DHX29: variants seen among roughly 807,000 people sequenced by gnomAD.
DHX29 encodes the protein ATP-dependent RNA helicase DHX29.
In DHX29, 79 loss-of-function variants were observed where a neutral mutation model predicts 167.9. That is an observed-to-expected ratio of 0.47 (90% CI 0.39 to 0.57). DHX29 has a LOEUF of 0.57. Ranked by LOEUF, DHX29 falls within the 20% of genes least tolerant of loss-of-function variation. The pLI is 0.00. For missense variants in DHX29, 1,347 were observed against 1,593.4 expected (o/e 0.85, Z 2.63); for synonymous variants, 530 against 546.0 (o/e 0.97, Z 0.41).
At chr5:55,264,767 G>A (rs367953847) in intron 23 of DHX29, among the ~76,000 whole-genome samples, 31 of 152,270 alleles carry the variant, frequency 2.0e-4, no homozygotes, top group African/African-American at 7.5e-4. Context: ...TACTTGTGGA[G>A]ATGCTTAGGA....
intron 1 of DHX29, among the ~76,000 whole-genome samples, chr5:55,299,022 G>A (rs1473320242): frequency 2.3e-5 from 3 of 128,010 alleles, no homozygotes; most frequent in Non-Finnish European, 4.7e-5. Flanking sequence ...GGGCGACAGA[G>A]CGAGACTCCG....
At position 55,258,193 on chromosome 5, in the gene DHX29, C is replaced by T. The variant is rs149820660; in HGVS notation, c.4058-1653G>A. ...CAAATTTAAGTGCTTCCTGGTGTGACGCAGTGGGGAGAATACAGCACCAAC... is the reference window on the plus strand; with the variant it reads ...CAAATTTAAGTGCTTCCTGGTGTGATGCAGTGGGGAGAATACAGCACCAAC... On this transcript the variant is annotated intron_variant, in intron 26 of 26. Transcript: ENST00000251636. 3.5e-3 allele frequency among the ~76,000 whole-genome samples: 534 copies of T among 152,218 alleles called. 1 individual carries two copies. Among genetic ancestry groups the T allele is most frequent in the Middle Eastern group, 0.01 (3 of 294 alleles).
intron 23 of DHX29, among the ~76,000 whole-genome samples, chr5:55,264,822 T>C (rs1312727623): frequency 6.6e-6 from 1 of 152,208 alleles, no homozygotes; most frequent in African/African-American, 2.4e-5. Context: ...AACAAGCATT[T>C]ATCCTAATTT....
Position 55,262,880 on chromosome 5 carries a change from G to A in DHX29, c.3578C>T (p.Ser1193Phe), listed in dbSNP as rs769697214. Residue 1193 changes from serine (S) to phenylalanine (F), a missense_variant, in exon 24 of 27, where the codon TCC becomes TTC. Transcript: ENST00000251636. ...TCCTTCCCAGCTGGTAGAAGTTGTG[G>A]AAGATGAAAATCCTGCTGCCTTAAC... Reference protein sequence around the residue: ...KLVKAAGFSSSTTSTSWEGNR... With the variant: ...KLVKAAGFSSFTTSTSWEGNR... The A allele has an allele frequency of 4.8e-5, 77 of 1,613,876 alleles. No individual in the cohort carries two copies. In the Admixed American group the frequency reaches 9.2e-4, roughly 19 times the overall value.
At chr5:55,295,023 G>A (rs1039745450) in intron 5 of DHX29, 1 of 174,212 alleles carries the variant, frequency 5.7e-6, no homozygotes, top group African/African-American at 2.4e-5. Flanking sequence ...AGCTAGTCAT[G>A]TGGAAAAAAC....
At chr5:55,276,871 G>A (rs1475203083) in intron 13 of DHX29, among the ~76,000 whole-genome samples, 1 of 152,100 alleles carries the variant, frequency 6.6e-6, no homozygotes. Context: ...GTGAAAATAG[G>A]TTTATGTTCT....
intron 23 of DHX29, among the ~76,000 whole-genome samples, chr5:55,266,897 G>A (rs1051112720): frequency 9.9e-5 from 15 of 152,160 alleles, no homozygotes; most frequent in East Asian, 1.9e-4. Flanking sequence ...TTACAGGAAT[G>A]AGCCAGTCTT....
intron 26 of DHX29, among the ~76,000 whole-genome samples, chr5:55,259,284 A>T (rs527989287): frequency 6.6e-6 from 1 of 152,328 alleles, no homozygotes; most frequent in Admixed American, 6.5e-5. Flanking sequence ...TAAAAGAGAC[A>T]GGAGTAAACT....
At chr5:55,274,459 T>C (rs372466028) in intron 16 of DHX29, among the ~76,000 whole-genome samples, 155 bp downstream of exon 16, 5 of 152,168 alleles carry the variant, frequency 3.3e-5, no homozygotes, top group African/African-American at 1.2e-4. Flanking sequence ...GATAACATGT[T>C]ATAATGGAAG....
chr5:55,298,813 G>T (rs1248997670), intron 1 of DHX29, 149 bp from the exon 2 acceptor site: 1 of 390,346 alleles, frequency 2.6e-6, no homozygotes. Flanking sequence ...GGTGGATCAT[G>T]AGGTCAGGAG....
Position 55,289,336 on chromosome 5 carries a change from C to T in DHX29, c.1000G>A (p.Glu334Lys). The T allele has an allele frequency of 6.2e-7, 1 of 1,600,540 alleles. No homozygotes were observed. Among genetic ancestry groups the T allele is most frequent in the Non-Finnish European group, 8.5e-7 (1 of 1,175,598 alleles). ...NERKKPPVAT[E>K]GESALNFNLF... ...TTAAAATTCAATGCACTTTCTCCTT[C>T]TGTGGCTACAGGAGGCTTTTTCCTT... is the stretch of plus-strand genomic sequence containing the variant. The change falls in exon 8 of 27, where the codon GAA becomes AAA. Residue 334 changes from glutamate to lysine, a missense_variant. Glu to Lys is a moderately conservative substitution (Grantham distance 56). Coordinates refer to ENST00000251636, the MANE Select transcript of DHX29 (RefSeq NM_019030.4).
chr5:55,288,403 G>A, intron 8 of DHX29, among the ~76,000 whole-genome samples: 1 of 150,542 alleles, frequency 6.6e-6, no homozygotes. Context: ...TTAGTAAATA[G>A]TATACTATTA....
At position 55,270,702 on chromosome 5, in the gene DHX29, G is replaced by A. The variant is rs750785224; in HGVS notation, c.2869C>T (p.His957Tyr). Residue 957 changes from histidine to tyrosine, a missense_variant, in exon 19 of 27, where the codon CAT (histidine) becomes TAT (tyrosine). Physicochemically the swap from His to Tyr is moderately conservative, Grantham distance 83. Around this residue, in one of 3 missense-constraint regions of DHX29, gnomAD observed 882 missense variants for 1,082.4 expected, o/e 0.81. Transcript: ENST00000251636. ...DTGRTKENKY[H>Y]ESSQMSSLVE... Reference sequence around the variant, plus strand: ...AAAGAACTCATCTGACTGCTTTCATGGTACCTAAAGAAATGTTTTAGGAGA... The same window carrying A: ...AAAGAACTCATCTGACTGCTTTCATAGTACCTAAAGAAATGTTTTAGGAGA... 10 of 1,610,106 alleles carry A rather than the reference G, an allele frequency of 6.2e-6. No homozygotes were observed. Among genetic ancestry groups the A allele is most frequent in the Admixed American group, 5.0e-5 (3 of 59,850 alleles).
At chr5:55,268,443 G>C (rs1415058575) in intron 21 of DHX29, among the ~76,000 whole-genome samples, 1 of 152,062 alleles carries the variant, frequency 6.6e-6, no homozygotes, top group Non-Finnish European at 1.5e-5. Context: ...GGGTTTTTTA[G>C]AGACAGAGTC....
chr5:55,268,122 G>GA (rs925140730), intron 21 of DHX29, among the ~76,000 whole-genome samples: 1 of 151,908 alleles, frequency 6.6e-6, no homozygotes, highest in African/African-American at 2.4e-5. Context: ...CACAATCAGA[G>GA]AAAAAAATCT....
chr5:55,277,311 C>A, intron 12 of DHX29, 29 bp from the exon 13 acceptor site: 2 of 1,478,206 alleles, frequency 1.4e-6, no homozygotes, highest in South Asian at 1.2e-5. Context: ...TAAAAAAGTT[C>A]ATCATATATT....
intron 18 of DHX29, among the ~76,000 whole-genome samples, chr5:55,271,568 G>A (rs1435932736): frequency 6.6e-6 from 1 of 152,234 alleles, no homozygotes; most frequent in Non-Finnish European, 1.5e-5. Flanking sequence ...GGGAGGTGGA[G>A]GCTGCAGTGA....
rs180835624 is a variant in DHX29 at position 55,294,449 on chromosome 5, C to T, written c.652-304G>A. Among the ~76,000 whole-genome samples the T allele has an allele frequency of 1.6e-3, 251 of 152,254 alleles. 1 individual carries two copies. The highest frequency in any genetic ancestry group is 5.7e-3 in the African/African-American group (237 of 41,562). On this transcript the variant is annotated intron_variant, in intron 5 of 26. Coordinates refer to ENST00000251636, the MANE Select transcript of DHX29 (RefSeq NM_019030.4). Reference sequence around the variant, plus strand: ...CAGCACTTCGGGAGGCCAAAGCGGGCGGATCACAAGGTCAGGAGATAGAGA... The same window carrying T: ...CAGCACTTCGGGAGGCCAAAGCGGGTGGATCACAAGGTCAGGAGATAGAGA...
At chr5:55,287,233 G>A (rs1239265446) in intron 8 of DHX29, among the ~76,000 whole-genome samples, 1 of 152,186 alleles carries the variant, frequency 6.6e-6, no homozygotes, top group African/African-American at 2.4e-5. Flanking sequence ...CTGAGGTCAG[G>A]AGTTCAAGAC....
Sources: allele counts gnomAD v4.1 joint callset (sites outside exome capture counted in the v4.1 genomes callset), GRCh38; gene constraint gnomAD v4.1.1; regional missense constraint gnomAD v4.1.1; transcripts MANE v1.5; gene names NCBI Gene and HGNC (gene_info 2026-07-23, HGNC 2026-07-21).